The following SLC6A3 variants were observed in gnomAD, a reference collection of about 807,000 sequenced individuals.
The protein encoded by SLC6A3 is sodium-dependent dopamine transporter.
In SLC6A3, 19 loss-of-function variants were observed where a neutral mutation model predicts 70.4. The ratio of observed to expected loss-of-function variants is 0.27; its 90% confidence interval spans 0.19 to 0.40. SLC6A3 has a LOEUF of 0.40. Ranked by LOEUF, SLC6A3 falls within the 10% of genes least tolerant of loss-of-function variation. SLC6A3 has a pLI of 1.00. For synonymous variants in SLC6A3, 368 were observed against 356.6 expected (o/e 1.03, Z -0.36); for missense variants, 613 against 838.5 (o/e 0.73, Z 3.32).
chr5:1,441,958 A>G (rs980068031), intron 2 of SLC6A3, among the ~76,000 whole-genome samples: 2 of 151,922 alleles, frequency 1.3e-5, no homozygotes, highest in Admixed American at 6.6e-5. Context: ...GGCTGCCCCT[A>G]TTGACTGTGG....
rs367831284 is a variant in SLC6A3 at position 1,399,623 on chromosome 5, C to T, written c.1839+1292G>A. 2.5e-4 allele frequency among the ~76,000 whole-genome samples: 38 copies of T among 152,252 alleles called. 1 individual carries two copies. The South Asian group carries it at 7.1e-3, about 28-fold the overall frequency. ...GAGAGAGGCTCTGGTGGAGCAGGAC[C>T]GGAGGCCCAGTGGGGAGGGGCTGGC... On this transcript the variant is annotated intron_variant, in intron 14 of 14. Transcript: ENST00000270349.
chr5:1,406,898 G>A lies in SLC6A3; in HGVS notation c.1499-610C>T, dbSNP rs558509745. ...TCCCGTCAGTGGAGTCACGTGGCACGGGGCCTCTGCAACTGGTTTACTCCC... is the reference window on the plus strand; with the variant it reads ...TCCCGTCAGTGGAGTCACGTGGCACAGGGCCTCTGCAACTGGTTTACTCCC... On this transcript the variant is annotated intron_variant, in intron 11 of 14. Transcript: ENST00000270349. This position sits in a 1 kb window ranked among gnomAD's most constrained non-coding sequence, Gnocchi z 8.8. 3.9e-5 allele frequency among the ~76,000 whole-genome samples: 6 copies of A among 152,228 alleles called. No homozygotes were observed. The South Asian group carries it at 1.0e-3, about 26-fold the overall frequency.
At chr5:1,419,986 G>A (rs878991664) in intron 6 of SLC6A3, among the ~76,000 whole-genome samples, 10 of 151,894 alleles carry the variant, frequency 6.6e-5, no homozygotes, top group Non-Finnish European at 1.2e-4. Context: ...TGGCTCCACC[G>A]GCCCACCCAC....
chr5:1,441,607 C>T, intron 2 of SLC6A3, 117 bp from the exon 3 acceptor site: 2 of 1,198,038 alleles, frequency 1.7e-6, no homozygotes, highest in Middle Eastern at 2.2e-4. Context: ...CGTTTCACCC[C>T]ACTCTCCAAC....
chr5:1,420,804 G>C, intron 5 of SLC6A3, 101 bp from the exon 6 acceptor site: 1 of 1,285,336 alleles, frequency 7.8e-7, no homozygotes. Flanking sequence ...CTTGTCCTCT[G>C]ATTGGGAGGC....
rs1443649926 is a variant in SLC6A3 at position 1,397,364 on chromosome 5, G to A, written c.1840-2606C>T. On this transcript the variant is annotated intron_variant, in intron 14 of 14. Transcript: ENST00000270349. The surrounding 1 kb of genome is among the most constrained non-coding windows in gnomAD (Gnocchi z 4.7). Reference sequence around the variant, plus strand: ...GAGAATGGCGCGAACCCGGGAGGCGGAGCTTGCAGTGAGCCGAGATTGCGC... The same window carrying A: ...GAGAATGGCGCGAACCCGGGAGGCGAAGCTTGCAGTGAGCCGAGATTGCGC... Among the ~76,000 whole-genome samples, 2 of 152,342 alleles carry A rather than the reference G, an allele frequency of 1.3e-5. No homozygotes were observed. The highest frequency in any genetic ancestry group is 6.5e-5 in the Admixed American group (1 of 15,302).
chr5:1,394,745 A>G lies in SLC6A3; in HGVS notation c.1853T>C (p.Leu618Pro). Residue 618 changes from leucine (L) to proline (P), a missense_variant, in exon 15 of 15, where the codon CTC becomes CCC. Physicochemically the swap from Leu to Pro is moderately conservative, Grantham distance 98. Transcript: ENST00000270349. The surrounding 1 kb of genome is among the most constrained non-coding windows in gnomAD (Gnocchi z 4.7). The part of the protein sequence containing the change: ...EVRQFTLRHW[L>P]KV ...TCGTCTCTGCTCCCTCTACACCTTGAGCCAGTGGCGGAGCTGGAAAGAAAA... is the reference window on the plus strand; with the variant it reads ...TCGTCTCTGCTCCCTCTACACCTTGGGCCAGTGGCGGAGCTGGAAAGAAAA... The G allele has an allele frequency of 6.2e-7, 1 of 1,614,108 alleles. No individual in the cohort carries two copies. The highest frequency in any genetic ancestry group is 8.5e-7 in the Non-Finnish European group (1 of 1,180,000).
In SLC6A3 at chr5:1,442,865, G is replaced by C. The variant is rs375414689; in HGVS notation, c.286+47C>G. On this transcript the variant is annotated intron_variant, in intron 2 of 14. Transcript: ENST00000270349. This position sits in a 1 kb window ranked among gnomAD's most constrained non-coding sequence, Gnocchi z 5.0. ...GTGCCTTGGCCCCGGCTGCCCCTAC[G>C]ACCCCCGCCCGGCCAGCATGCTCAG... The C allele has an allele frequency of 6.2e-7, 1 of 1,607,678 alleles. No homozygotes were observed. Among genetic ancestry groups the C allele is most frequent in the Middle Eastern group, 1.7e-4 (1 of 6,054 alleles).
At chr5:1,399,395 C>A (rs1560904524) in intron 14 of SLC6A3, among the ~76,000 whole-genome samples, 1 of 151,868 alleles carries the variant, frequency 6.6e-6, no homozygotes, top group Non-Finnish European at 1.5e-5. Context: ...AAATTAATAA[C>A]CTAAAGTCCA....
intron 6 of SLC6A3, 76 bp downstream of exon 6, chr5:1,420,493 G>T: frequency 6.4e-7 from 1 of 1,554,646 alleles, no homozygotes; most frequent in Non-Finnish European, 8.9e-7. Flanking sequence ...TCTCAGCCCT[G>T]GCAGGCAATG....
rs896880393 is a variant in SLC6A3 at position 1,408,578 on chromosome 5, G to C, written c.1498+448C>G. On this transcript the variant is annotated intron_variant, in intron 11 of 14. Transcript: ENST00000270349. This position sits in a 1 kb window ranked among gnomAD's most constrained non-coding sequence, Gnocchi z 6.4. ...AGGACACAGCTGGGGCAGCACAATG[G>C]GCCAGGAGCTGCACCCCGTTCGAGC... 3.9e-5 allele frequency among the ~76,000 whole-genome samples: 6 copies of C among 152,166 alleles called. No homozygotes were observed. Among genetic ancestry groups the C allele is most frequent in the Non-Finnish European group, 7.3e-5 (5 of 68,028 alleles).
intron 4 of SLC6A3, among the ~76,000 whole-genome samples, chr5:1,430,626 G>A (rs769629956): frequency 6.6e-6 from 1 of 152,192 alleles, no homozygotes; most frequent in Admixed American, 6.5e-5. Flanking sequence ...AGGAGAGGGC[G>A]AAGGTCCCTT....
In SLC6A3 at chr5:1,443,062, T is replaced by C. The variant is rs1733719149; in HGVS notation, c.136A>G (p.Thr46Ala). 6.2e-6 allele frequency: 10 copies of C among 1,614,154 alleles called. No homozygotes were observed. Among genetic ancestry groups the C allele is most frequent in the Non-Finnish European group, 8.5e-6 (10 of 1,180,024 alleles). Residue 46 changes from threonine (T) to alanine (A), a missense_variant, in exon 2 of 15, where the codon ACC becomes GCC. Physicochemically the swap from Thr to Ala is moderately conservative, Grantham distance 58. Coordinates refer to ENST00000270349, the MANE Select transcript of SLC6A3 (RefSeq NM_001044.5). ...GGGCTCTGCCGCGGGTTGGTGAGGG[T>C]GGAGCTGGTGAGCTGCACTCCGTTC... Reference protein sequence around the residue: ...EQNGVQLTSSTLTNPRQSPVE... With the variant: ...EQNGVQLTSSALTNPRQSPVE...
chr5:1,406,318 A>G lies in SLC6A3; in HGVS notation c.1499-30T>C, dbSNP rs1417014026. The G allele has an allele frequency of 6.4e-7, 1 of 1,574,108 alleles. No homozygotes were observed. Among genetic ancestry groups the G allele is most frequent in the Admixed American group, 1.7e-5 (1 of 59,982 alleles). ...GGGAGAAGAGGTGGCATCAGTGTCC[A>G]TCAGGGCAGCGCATTCCCCCGATGC... On this transcript the variant is annotated intron_variant, in intron 11 of 14. Coordinates refer to ENST00000270349, the MANE Select transcript of SLC6A3 (RefSeq NM_001044.5). This position sits in a 1 kb window ranked among gnomAD's most constrained non-coding sequence, Gnocchi z 8.8.
chr5:1,436,473 C>A lies in SLC6A3; in HGVS notation c.419-3775G>T, dbSNP rs1756838943. Among the ~76,000 whole-genome samples, 1 of 152,218 alleles carries A rather than the reference C, an allele frequency of 6.6e-6. No homozygotes were observed. The highest frequency in any genetic ancestry group is 1.5e-5 in the Non-Finnish European group (1 of 68,040). On this transcript the variant is annotated intron_variant, in intron 3 of 14. Transcript: ENST00000270349. This position sits in a 1 kb window ranked among gnomAD's most constrained non-coding sequence, Gnocchi z 5.2. ...AAACATTCATGAGAACATGGCGCTT[C>A]CCTTCCCTCCTGTCTGACTCCCAGG... is the stretch of plus-strand genomic sequence containing the variant.
chr5:1,418,630 G>C (rs12332091), intron 6 of SLC6A3, among the ~76,000 whole-genome samples: 30,648 of 128,508 alleles, frequency 0.24, 3,207 homozygotes, highest in Middle Eastern at 0.31. Context: ...ATCCATCATC[G>C]ATCCATCCAT....
chr5:1,428,708 G>A (rs760661799), intron 4 of SLC6A3, among the ~76,000 whole-genome samples: 1 of 152,180 alleles, frequency 6.6e-6, no homozygotes, highest in Non-Finnish European at 1.5e-5. Context: ...CAACCCTGAG[G>A]AACACTGGGT....
In SLC6A3 at chr5:1,438,733, T is replaced by C. The variant is rs927310539; in HGVS notation, c.418+2626A>G. Among the ~76,000 whole-genome samples the C allele has an allele frequency of 2.0e-5, 3 of 152,206 alleles. No individual in the cohort carries two copies. Among genetic ancestry groups the C allele is most frequent in the Non-Finnish European group, 4.4e-5 (3 of 68,028 alleles). On this transcript the variant is annotated intron_variant, in intron 3 of 14. Transcript: ENST00000270349. The surrounding 1 kb of genome is among the most constrained non-coding windows in gnomAD (Gnocchi z 6.5). The stretch of plus-strand genomic sequence containing the variant: ...TAACTTGCTCCAACACCAGGCTCAC[T>C]GGCGGGAGTGGGGCACAGGGCTGTG...
chr5:1,433,950 C>T (rs1756769814), intron 3 of SLC6A3, among the ~76,000 whole-genome samples: 1 of 152,144 alleles, frequency 6.6e-6, no homozygotes, highest in East Asian at 1.9e-4. Flanking sequence ...TACAGACATC[C>T]ACAGCCATCC....
Sources: allele counts gnomAD v4.1 joint callset (sites outside exome capture counted in the v4.1 genomes callset), GRCh38; gene constraint gnomAD v4.1.1; non-coding constraint Gnocchi (gnomAD v3.1); transcripts MANE v1.5; gene names NCBI Gene and HGNC (gene_info 2026-07-23, HGNC 2026-07-21).